Variants in ANO10 observed in about 807,000 individuals in gnomAD.
ANO10 encodes anoctamin-10.
ANO10 carries 77 observed loss-of-function variants against 74.7 expected under a neutral mutation model. That is an observed-to-expected ratio of 1.03 (90% confidence interval 0.86 to 1.25). ANO10 has a LOEUF of 1.25. ANO10 is among the 50% of genes most tolerant of loss of function. The pLI, the probability that ANO10 is intolerant of heterozygous loss-of-function variation, is 0.00. For synonymous variants in ANO10, 279 were observed against 284.9 expected, an observed-to-expected ratio of 0.98 and a Z score of 0.21; for missense variants, 721 against 778.1, an observed-to-expected ratio of 0.93 and a Z score of 0.87.
intron 1 of ANO10, among the ~76,000 whole-genome samples, chr3:43,611,360 T>C (rs1024027362): frequency 1.6e-4 from 24 of 152,218 alleles, no homozygotes; most frequent in Non-Finnish European, 2.4e-4. Flanking sequence ...TCTATTATGT[T>C]TGAGCCTATT....
At position 43,509,893 on chromosome 3, in the gene ANO10, C is replaced by CAT. The variant is rs1016747066; in HGVS notation, c.1797+39825_1797+39826dup. ...AAAAGGAATAAGCTACTGGTATACA[C>CAT]ATATATTGAATGAATCTCCAGGGAA... On this transcript the variant is annotated intron_variant, in intron 11 of 12. Transcript: ENST00000292246. 2.6e-5 allele frequency among the ~76,000 whole-genome samples: 4 copies of CAT among 152,072 alleles called. No individual in the cohort carries two copies. The East Asian group carries it at 7.7e-4, about 29-fold the overall frequency.
chr3:43,392,050 A>G (rs2092285419), intron 12 of ANO10, among the ~76,000 whole-genome samples: 1 of 152,204 alleles, frequency 6.6e-6, no homozygotes, highest in Non-Finnish European at 1.5e-5. Context: ...GCTTCTGGTC[A>G]GTGGAGTAAT....
In ANO10 at chr3:43,580,341, A is replaced by G. The variant is rs757346231; in HGVS notation, c.592+12T>C. On this transcript the variant is annotated intron_variant, in intron 5 of 12. Coordinates refer to ENST00000292246, the MANE Select transcript of ANO10 (RefSeq NM_018075.5). ...CTTCCTCTTCTTTAAGAGAACAAGT[A>G]CTGACACATACCTATGGGCTGATAC... 6.2e-7 allele frequency: 1 copy of G among 1,613,698 alleles called. No homozygotes were observed. Among genetic ancestry groups the G allele is most frequent in the African/African-American group, 1.3e-5 (1 of 75,018 alleles).
At chr3:43,557,067 A>AT (rs1453674543) in intron 9 of ANO10, among the ~76,000 whole-genome samples, 2 of 152,096 alleles carry the variant, frequency 1.3e-5, no homozygotes, top group African/African-American at 2.4e-5. Flanking sequence ...TAGAAATTGT[A>AT]TTTTTAAAGA....
intron 7 of ANO10, among the ~76,000 whole-genome samples, chr3:43,570,814 A>C (rs1357222413): frequency 1.4e-5 from 2 of 143,220 alleles, no homozygotes; most frequent in African/African-American, 5.4e-5. Flanking sequence ...CAATGGCAAC[A>C]AAAGACAAAA....
chr3:43,428,727 A>G (rs2092934665), intron 12 of ANO10, among the ~76,000 whole-genome samples: 1 of 148,234 alleles, frequency 6.7e-6, no homozygotes, highest in Non-Finnish European at 1.5e-5. Flanking sequence ...CTTCTTTTTA[A>G]GTAATACAGG....
intron 9 of ANO10, among the ~76,000 whole-genome samples, chr3:43,555,871 A>G (rs1180254127): frequency 2.0e-5 from 3 of 152,190 alleles, no homozygotes; most frequent in Non-Finnish European, 4.4e-5. Context: ...AAACACAACA[A>G]TAGGGTATTG....
At chr3:43,405,813 A>G (rs1224927629) in intron 12 of ANO10, among the ~76,000 whole-genome samples, 1 of 152,164 alleles carries the variant, frequency 6.6e-6, no homozygotes, top group African/African-American at 2.4e-5. Context: ...AACCTAAAAT[A>G]TATACTTATC....
chr3:43,628,836 C>G (rs535619059), intron 1 of ANO10, among the ~76,000 whole-genome samples: 7 of 152,080 alleles, frequency 4.6e-5, no homozygotes, highest in African/African-American at 1.7e-4. Flanking sequence ...TTGGTCAGAC[C>G]GGTTGCTCTC....
intron 12 of ANO10, among the ~76,000 whole-genome samples, chr3:43,414,269 G>A (rs2148898489): frequency 6.6e-6 from 1 of 152,230 alleles, no homozygotes; most frequent in Admixed American, 6.5e-5. Flanking sequence ...AGAATAAAAA[G>A]AAGACGAAAA....
intron 1 of ANO10, among the ~76,000 whole-genome samples, chr3:43,655,041 CTG>C (rs1304249800): frequency 2.0e-5 from 3 of 152,202 alleles, no homozygotes; most frequent in African/African-American, 7.2e-5. Flanking sequence ...ATCACAGACT[CTG>C]TAATACTCTC....
intron 1 of ANO10, among the ~76,000 whole-genome samples, chr3:43,655,445 T>C (rs1177821619): frequency 6.6e-6 from 1 of 152,196 alleles, no homozygotes; most frequent in Non-Finnish European, 1.5e-5. Flanking sequence ...GCAAGATTTA[T>C]TGCAAAGAGC....
intron 11 of ANO10, among the ~76,000 whole-genome samples, chr3:43,452,953 T>C (rs1244685874): frequency 2.6e-5 from 4 of 152,230 alleles, no homozygotes; most frequent in Non-Finnish European, 5.9e-5. Context: ...TATCTTTCCA[T>C]GTGCTTGCTG....
intron 11 of ANO10, among the ~76,000 whole-genome samples, chr3:43,479,685 G>C (rs1217515032): frequency 6.6e-6 from 1 of 152,172 alleles, no homozygotes; most frequent in African/African-American, 2.4e-5. Context: ...GAGACTTCTG[G>C]ATTAAACAGA....
intron 12 of ANO10, among the ~76,000 whole-genome samples, chr3:43,395,075 G>A (rs955438491): frequency 3.9e-5 from 6 of 152,152 alleles, no homozygotes; most frequent in African/African-American, 1.2e-4. Context: ...AGGGAAGAGG[G>A]TGGGTAGCTG....
intron 5 of ANO10, among the ~76,000 whole-genome samples, chr3:43,579,363 C>T (rs540914565): frequency 2.4e-4 from 37 of 152,260 alleles, no homozygotes; most frequent in African/African-American, 8.7e-4. Context: ...TAACTGGCTC[C>T]TCAAAAATAG....
chr3:43,601,806 C>T (rs535836463), intron 2 of ANO10, among the ~76,000 whole-genome samples: 5 of 152,306 alleles, frequency 3.3e-5, no homozygotes, highest in Non-Finnish European at 4.4e-5. Flanking sequence ...TCTCACACTG[C>T]AAAGATGGAA....
chr3:43,662,564 C>T (rs1036268201), intron 1 of ANO10, among the ~76,000 whole-genome samples: 2 of 151,816 alleles, frequency 1.3e-5, no homozygotes, highest in South Asian at 2.1e-4. Context: ...AAGATCACAG[C>T]AGAACTGAAG....
In ANO10 at chr3:43,596,136, T is replaced by C. The variant is rs148427074; in HGVS notation, c.472+2396A>G. Among the ~76,000 whole-genome samples the C allele has an allele frequency of 4.7e-3, 714 of 152,266 alleles. 6 individuals carry two copies. Among genetic ancestry groups the C allele is most frequent in the African/African-American group, 0.016 (680 of 41,554 alleles). On this transcript the variant is annotated intron_variant, in intron 4 of 12. Coordinates refer to ENST00000292246, the MANE Select transcript of ANO10 (RefSeq NM_018075.5). ...GGGGACACAAACAAATGGAAGAACA[T>C]TCCATGCTCATGGATAGGAAGAATC...
Sources: allele counts gnomAD v4.1 joint callset (sites outside exome capture counted in the v4.1 genomes callset), GRCh38; gene constraint gnomAD v4.1.1; transcripts MANE v1.5; gene names NCBI Gene and HGNC (gene_info 2026-07-23, HGNC 2026-07-21).